The following RTKN2 variants were observed in gnomAD, a reference collection of about 807,000 sequenced individuals.
RTKN2 encodes rhotekin 2, also known as rhotekin-2.
Under a neutral mutation model 71.5 loss-of-function variants are expected in RTKN2, and 69 were observed. The observed-to-expected ratio is 0.96, with a 90% CI of 0.79 to 1.18. The LOEUF is 1.18. Among genes scored for constraint, RTKN2 ranks in the 50% most tolerant of loss-of-function variants. RTKN2 has a pLI of 0.00. For synonymous variants in RTKN2, 236 were observed against 236.5 expected (o/e 1.00, Z 0.02); for missense variants, 724 against 719.7 (o/e 1.01, Z -0.07).
At chr10:62,191,682 G>A (rs566313850), downstream of RTKN2, among the ~76,000 whole-genome samples, 126 of 152,226 alleles carry the variant, frequency 8.3e-4, 1 homozygote, top group Non-Finnish European at 1.7e-3. Context: ...TCTACTCACC[G>A]GAATTCACGT....
Position 62,218,279 on chromosome 10 carries a change from G to C in RTKN2, c.804C>G (p.Pro268=). The C allele has an allele frequency of 6.2e-7, 1 of 1,611,530 alleles. No individual in the cohort carries two copies. The highest frequency in any genetic ancestry group is 8.5e-7 in the Non-Finnish European group (1 of 1,178,938). Residue 268 remains proline (P), a synonymous_variant, in exon 8 of 12, where the codon CCC becomes CCG. Coordinates refer to ENST00000373789, the MANE Select transcript of RTKN2 (RefSeq NM_145307.4). ...GTCGGCAGCACATGTTGCCATACAG[G>C]GGAAGCCAAAATGAAGACTCCTCTA... ...NGNEESSFWL[P]LYGNMCCRLV...
chr10:62,261,255 C>T (rs1842768135), intron 2 of RTKN2, among the ~76,000 whole-genome samples: 1 of 151,950 alleles, frequency 6.6e-6, no homozygotes, highest in South Asian at 2.1e-4. Flanking sequence ...AAAGGCATTA[C>T]ATTAGGTTTT....
intron 8 of RTKN2, among the ~76,000 whole-genome samples, chr10:62,184,676 G>A (rs1017878180): frequency 3.3e-5 from 5 of 152,190 alleles, no homozygotes; most frequent in Admixed American, 3.3e-4. Context: ...AGAGGTTGAA[G>A]TAGATTACCT....
chr10:62,241,234 T>C (rs1589372452), intron 3 of RTKN2, 39 bp from the exon 4 acceptor site: 2 of 1,345,398 alleles, frequency 1.5e-6, no homozygotes, highest in African/African-American at 2.9e-5. Flanking sequence ...GTAATAATTT[T>C]GGTAAGTTTT....
At position 62,268,565 on chromosome 10, in the gene RTKN2, G is replaced by T. The variant is rs867618352; in HGVS notation, c.46C>A (p.Leu16Ile). The T allele has an allele frequency of 6.4e-7, 1 of 1,563,824 alleles. No homozygotes were observed. Among genetic ancestry groups the T allele is most frequent in the Non-Finnish European group, 8.7e-7 (1 of 1,154,042 alleles). ...CCGCAACTCACCTGCTGGGTGGGAA[G>T]CCCCGCCAGGCGGAGCGCAGGACCC... ...LRGPALRLAGLPTQQDCNIQE... is the reference protein window; with the variant it reads ...LRGPALRLAGIPTQQDCNIQE... The change falls in exon 1 of 12, where the codon CTT (leucine) becomes ATT (isoleucine). Residue 16 changes from leucine (L) to isoleucine (I), a missense_variant. Physicochemically the swap from Leu to Ile is conservative, Grantham distance 5. Coordinates refer to ENST00000373789, the MANE Select transcript of RTKN2 (RefSeq NM_145307.4).
intron 2 of RTKN2, among the ~76,000 whole-genome samples, chr10:62,255,059 G>A (rs1042838825): frequency 6.6e-6 from 1 of 152,086 alleles, no homozygotes; most frequent in African/African-American, 2.4e-5. Flanking sequence ...GTAGGTATAT[G>A]GGTATTCACT....
chr10:62,213,755 A>T (rs554306716), intron 9 of RTKN2, among the ~76,000 whole-genome samples: 104 of 152,288 alleles, frequency 6.8e-4, no homozygotes, highest in African/African-American at 2.4e-3. Flanking sequence ...AAATATGACA[A>T]AATGTTAACT....
chr10:62,220,159 T>C (rs1841874652), intron 7 of RTKN2, among the ~76,000 whole-genome samples: 1 of 152,214 alleles, frequency 6.6e-6, no homozygotes, highest in Non-Finnish European at 1.5e-5. Flanking sequence ...CAAAGGTTTG[T>C]AGTAAAACCA....
At position 62,226,888 on chromosome 10, in the gene RTKN2, G is replaced by A. The variant is rs370914717; in HGVS notation, c.687-3556C>T. On this transcript the variant is annotated intron_variant, in intron 6 of 11. Transcript: ENST00000373789. ...AGGCAGGAGAATTGCTTGAACCCGGGAGGCGGAGGCTGCAGTGAGCCAAGA... is the reference window on the plus strand; with the variant it reads ...AGGCAGGAGAATTGCTTGAACCCGGAAGGCGGAGGCTGCAGTGAGCCAAGA... 3.3e-5 allele frequency among the ~76,000 whole-genome samples: 5 copies of A among 152,308 alleles called. No homozygotes were observed. The East Asian group carries it at 9.6e-4, about 29-fold the overall frequency.
chr10:62,209,087 C>T (rs1322574431), intron 9 of RTKN2, among the ~76,000 whole-genome samples: 1 of 151,946 alleles, frequency 6.6e-6, no homozygotes, highest in African/African-American at 2.4e-5. Flanking sequence ...CTAACCAACG[C>T]GGAGAAACCC....
intron 2 of RTKN2, among the ~76,000 whole-genome samples, chr10:62,246,786 T>C (rs1371379795): frequency 1.3e-5 from 2 of 149,492 alleles, no homozygotes; most frequent in South Asian, 4.2e-4. Flanking sequence ...TCTTTGACTA[T>C]TTCCCTAATA....
At chr10:62,251,047 C>G (rs1842571631) in intron 2 of RTKN2, among the ~76,000 whole-genome samples, 2 of 152,134 alleles carry the variant, frequency 1.3e-5, no homozygotes, top group African/African-American at 4.8e-5. Flanking sequence ...TACACATCAC[C>G]TGCTCATTAG....
At chr10:62,259,217 C>T in intron 2 of RTKN2, 1 of 453,354 alleles carries the variant, frequency 2.2e-6, no homozygotes, top group Non-Finnish European at 4.4e-6. Flanking sequence ...TCGCCTTCTG[C>T]CATGACTATG....
rs1026559060 is a variant in RTKN2 at position 62,195,267 on chromosome 10, A to T, written c.*2641T>A. ...AGCTAACTCTTTGTTTCAAGTTTATAGTCTTCATATATCAAGAAACAAATT... is the reference window on the plus strand; with the variant it reads ...AGCTAACTCTTTGTTTCAAGTTTATTGTCTTCATATATCAAGAAACAAATT... On this transcript the variant is annotated 3_prime_UTR_variant, in exon 12 of 12. Transcript: ENST00000373789. 4 of 983,294 alleles carry T rather than the reference A, an allele frequency of 4.1e-6. No homozygotes were observed. In the African/African-American group the frequency reaches 7.0e-5, roughly 17 times the overall value. 60.9% of individuals were successfully genotyped at this position (983,294 alleles called of 1,614,324 possible).
rs1168919047 is a variant in RTKN2, at chr10:62,196,941, G to A, written c.*967C>T. ...CTATGGAAATGATTCCAATGTCACT[G>A]TTGTAAGAATATGACATTTAATGAA... is the stretch of plus-strand genomic sequence containing the variant. On this transcript the variant is annotated 3_prime_UTR_variant, in exon 12 of 12. Coordinates refer to ENST00000373789, the MANE Select transcript of RTKN2 (RefSeq NM_145307.4). 1 of 978,302 alleles carries A rather than the reference G, an allele frequency of 1.0e-6. No individual in the cohort carries two copies. The highest frequency in any genetic ancestry group is 1.2e-6 in the Non-Finnish European group (1 of 823,828). 60.6% of individuals were successfully genotyped at this position (978,302 alleles called of 1,614,324 possible).
intron 3 of RTKN2, among the ~76,000 whole-genome samples, chr10:62,244,379 T>C (rs1473337725): frequency 2.0e-5 from 3 of 152,184 alleles, no homozygotes; most frequent in Admixed American, 6.5e-5. Context: ...ACTTGAGTAA[T>C]TGTGGGCAGG....
rs769172729 is a variant in RTKN2, at chr10:62,236,102, T to A, written c.650A>T (p.Asp217Val). Reference protein sequence around the residue: ...KKISSVLQEEDDEMCLLLSSA... With the variant: ...KKISSVLQEEVDEMCLLLSSA... Reference sequence around the variant, plus strand: ...GCTGAGGAGCAAGCACATTTCATCATCCTCTTCTTGAAGCACTGAACTTAT... The same window carrying A: ...GCTGAGGAGCAAGCACATTTCATCAACCTCTTCTTGAAGCACTGAACTTAT... The change falls in exon 6 of 12, where the codon GAT (aspartate) becomes GTT (valine). Residue 217 changes from aspartate to valine, a missense_variant. By Grantham distance (152) the Asp-to-Val change is radical. Coordinates refer to ENST00000373789, the MANE Select transcript of RTKN2 (RefSeq NM_145307.4). The A allele has an allele frequency of 3.7e-6, 6 of 1,612,830 alleles. No individual in the cohort carries two copies. Among genetic ancestry groups the A allele is most frequent in the African/African-American group, 1.3e-5 (1 of 74,878 alleles).
intron 9 of RTKN2, among the ~76,000 whole-genome samples, chr10:62,209,864 A>G (rs535781009): frequency 6.6e-6 from 1 of 152,244 alleles, no homozygotes; most frequent in African/African-American, 2.4e-5. Context: ...CCAGCCCACC[A>G]CTGATGGGCA....
intron 8 of RTKN2, among the ~76,000 whole-genome samples, chr10:62,185,553 T>G (rs546579920): frequency 9.9e-5 from 15 of 152,038 alleles, no homozygotes; most frequent in African/African-American, 3.4e-4. Flanking sequence ...GAGGTGGAGG[T>G]TGCAGTAGTG....
Sources: gnomAD v4.1 joint callset for allele counts (sites outside exome capture counted in the v4.1 genomes callset) on GRCh38, gnomAD v4.1.1 for gene constraint, MANE v1.5 for transcripts, NCBI Gene and HGNC (gene_info 2026-07-23, HGNC 2026-07-21) for gene names.